The following KANK1 variants were observed in gnomAD, a reference collection of about 807,000 sequenced individuals.
KANK1 encodes KN motif and ankyrin repeat domain-containing protein 1.
KANK1 carries 109 observed loss-of-function variants against 106.2 expected under a neutral mutation model. The observed-to-expected ratio is 1.03, with a 90% CI of 0.88 to 1.20. KANK1 has a LOEUF of 1.20. Among genes scored for constraint, KANK1 ranks in the 50% most tolerant of loss-of-function variants. The probability of loss-of-function intolerance (pLI) is 0.00; values close to 1 mark genes in which losing one functional copy is unlikely to be tolerated. For synonymous variants in KANK1, 873 were observed against 652.2 expected (o/e 1.34, Z -5.16); for missense variants, 2,399 against 1,710.7 (o/e 1.40, Z -7.10).
At chr9:690,150 A>AAAAAC (rs1563992093) in intron 2 of KANK1, among the ~76,000 whole-genome samples, 3 of 149,342 alleles carry the variant, frequency 2.0e-5, no homozygotes, top group Non-Finnish European at 4.5e-5. Context: ...AAAAAAAAAA[A>AAAAAC]AAAAAACTAG....
At chr9:545,754 A>G (rs879315105) in intron 1 of KANK1, among the ~76,000 whole-genome samples, 1 of 106,870 alleles carries the variant, frequency 9.4e-6, no homozygotes, top group African/African-American at 3.8e-5. Context: ...TTTTTTTTAA[A>G]TTCCCTGAGA....
At chr9:736,647 C>T (rs1264463590) in intron 7 of KANK1, among the ~76,000 whole-genome samples, 3 of 151,970 alleles carry the variant, frequency 2.0e-5, no homozygotes, top group African/African-American at 7.3e-5. Context: ...CTGCAGTGCT[C>T]CATCATCATG....
chr9:519,648 C>G (rs1158408135), intron 1 of KANK1, among the ~76,000 whole-genome samples: 1 of 151,746 alleles, frequency 6.6e-6, no homozygotes, highest in Non-Finnish European at 1.5e-5. Flanking sequence ...AATTACATTT[C>G]CTTATTTTGC....
At chr9:489,052 G>T (rs916418213) in intron 3 of KANK1, 8 of 152,156 alleles carry the variant, frequency 5.3e-5, no homozygotes, top group South Asian at 2.1e-4. Context: ...TAACTAGGAG[G>T]AGTTTTGGAA....
At chr9:737,662 G>T (rs747810159) in intron 7 of KANK1, among the ~76,000 whole-genome samples, 5 of 152,136 alleles carry the variant, frequency 3.3e-5, no homozygotes, top group Non-Finnish European at 5.9e-5. Context: ...CCCTTTCCGT[G>T]GTTGAACAGT....
intron 1 of KANK1, among the ~76,000 whole-genome samples, chr9:636,283 T>G (rs1448746805): frequency 6.6e-6 from 1 of 152,194 alleles, no homozygotes; most frequent in African/African-American, 2.4e-5. Flanking sequence ...CAGAATAATT[T>G]CAAACTTTTC....
chr9:546,664 C>T (rs1470170804), intron 1 of KANK1, among the ~76,000 whole-genome samples: 1 of 151,540 alleles, frequency 6.6e-6, no homozygotes, highest in Non-Finnish European at 1.5e-5. Context: ...CCCTCTCCCA[C>T]CCCCACTCCC....
intron 1 of KANK1, among the ~76,000 whole-genome samples, chr9:605,498 A>T (rs1006609635): frequency 5.3e-5 from 8 of 151,426 alleles, no homozygotes; most frequent in Non-Finnish European, 8.8e-5. Context: ...GGGAGGAAAA[A>T]CCAGTGAAGT....
At chr9:670,686 A>C (rs759814419) in intron 1 of KANK1, among the ~76,000 whole-genome samples, 10 of 152,164 alleles carry the variant, frequency 6.6e-5, no homozygotes, top group Non-Finnish European at 1.2e-4. Flanking sequence ...TGGAGATGGT[A>C]ATCCTGCCTC....
chr9:614,343 G>A (rs1434834600), intron 1 of KANK1, among the ~76,000 whole-genome samples: 1 of 152,108 alleles, frequency 6.6e-6, no homozygotes, highest in Admixed American at 6.5e-5. Context: ...CAGGTAATAG[G>A]ATCTTTTACC....
At chr9:563,932 T>C (rs372919407) in intron 1 of KANK1, among the ~76,000 whole-genome samples, 6 of 152,234 alleles carry the variant, frequency 3.9e-5, no homozygotes, top group African/African-American at 1.2e-4. Flanking sequence ...GTGCTTTTTT[T>C]CTTTCTTCCC....
rs374646290 is a variant in KANK1 at position 732,612 on chromosome 9, A to G, written c.3240A>G (p.Arg1080=). The part of the protein sequence containing the change: ...QECEPEKVEI[R]ERYELSEKML... ...GTGAACCTGAGAAGGTGGAAATCAG[A>G]GAGAGGTGTGGTACATTCCCCTTCC... Residue 1080 remains arginine (R), a synonymous_variant, in exon 6 of 12, where the codon AGA becomes AGG. Coordinates refer to ENST00000382297, the MANE Select transcript of KANK1 (RefSeq NM_015158.5). 690 of 1,613,980 alleles carry G rather than the reference A, an allele frequency of 4.3e-4. 13 individuals are homozygous for G. In the South Asian group the frequency reaches 7.3e-3, roughly 17 times the overall value.
chr9:555,146 T>C (rs1177771041), intron 1 of KANK1, among the ~76,000 whole-genome samples: 1 of 152,036 alleles, frequency 6.6e-6, no homozygotes, highest in East Asian at 1.9e-4. Flanking sequence ...CCCTGGATAG[T>C]AATAAGTGCT....
At chr9:646,642 A>G (rs1464578543) in intron 1 of KANK1, among the ~76,000 whole-genome samples, 1 of 149,848 alleles carries the variant, frequency 6.7e-6, no homozygotes, top group Non-Finnish European at 1.5e-5. Flanking sequence ...GTCCCTAGAA[A>G]CTGGACAGTT....
chr9:597,714 A>T (rs1480960156), intron 1 of KANK1, among the ~76,000 whole-genome samples: 1 of 151,092 alleles, frequency 6.6e-6, no homozygotes, highest in African/African-American at 2.5e-5. Flanking sequence ...CCCAGGCTGG[A>T]GTACAGTGGC....
chr9:565,940 T>C (rs1817694594), intron 1 of KANK1, among the ~76,000 whole-genome samples: 1 of 152,180 alleles, frequency 6.6e-6, no homozygotes, highest in Non-Finnish European at 1.5e-5. Context: ...TGGGGGTTTG[T>C]TGTACAGATT....
At chr9:562,785 A>G (rs1303703941) in intron 1 of KANK1, among the ~76,000 whole-genome samples, 2 of 152,242 alleles carry the variant, frequency 1.3e-5, no homozygotes, top group Non-Finnish European at 2.9e-5. Flanking sequence ...TGAAAGAGCT[A>G]GTGAACTTCA....
intron 1 of KANK1, among the ~76,000 whole-genome samples, chr9:530,822 C>A (rs1438836827): frequency 6.6e-6 from 1 of 151,980 alleles, no homozygotes; most frequent in Non-Finnish European, 1.5e-5. Flanking sequence ...AACTCTGTCT[C>A]TATGAAAAAT....
intron 1 of KANK1, among the ~76,000 whole-genome samples, chr9:623,414 C>T (rs978333551): frequency 6.6e-6 from 1 of 151,706 alleles, no homozygotes; most frequent in Admixed American, 6.6e-5. Flanking sequence ...ACATGGTGAA[C>T]CCCTGTCTCT....
Sources: allele counts gnomAD v4.1 joint callset (sites outside exome capture counted in the v4.1 genomes callset), GRCh38; gene constraint gnomAD v4.1.1; transcripts MANE v1.5; gene names NCBI Gene and HGNC (gene_info 2026-07-23, HGNC 2026-07-21).